Variants in KLK11 observed in about 807,000 individuals in gnomAD.
KLK11 encodes kallikrein related peptidase 11, also known as kallikrein-11.
KLK11 carries 10 observed loss-of-function variants against 23.4 expected under a neutral mutation model. That is an observed-to-expected ratio of 0.43 (90% CI 0.26 to 0.73). The LOEUF (loss-of-function observed/expected upper bound fraction) is 0.73. Ranked by LOEUF, KLK11 falls within the 30% of genes least tolerant of loss-of-function variation. The pLI is 0.22. For synonymous variants in KLK11, 131 were observed against 131.7 expected, an observed-to-expected ratio of 0.99 and a Z score of 0.03; for missense variants, 285 against 327.8, an observed-to-expected ratio of 0.87 and a Z score of 1.01.
At position 51,022,634 on chromosome 19, in the gene KLK11, C is replaced by G. The variant is rs573993006; in HGVS notation, c.664G>C (p.Asp222His). 16 of 1,613,786 alleles carry G rather than the reference C, an allele frequency of 9.9e-6. No homozygotes were observed. In the Admixed American group the frequency reaches 1.5e-4, roughly 15 times the overall value. ...SLQGIISWGQDPCAITRKPGV... is the reference protein window; with the variant it reads ...SLQGIISWGQHPCAITRKPGV... ...GGCTTTCGGGTGATCGCACACGGATCCTGGCCCCAGGAGATAATGCCTTGA... is the reference window on the plus strand; with the variant it reads ...GGCTTTCGGGTGATCGCACACGGATGCTGGCCCCAGGAGATAATGCCTTGA... Residue 222 changes from aspartate to histidine, a missense_variant, in exon 6 of 6, where the codon GAT becomes CAT. Transcript: ENST00000453757.
In KLK11 at chr19:51,024,536, A is replaced by G; in HGVS notation, c.197+102T>C. 1.6e-6 allele frequency: 2 copies of G among 1,256,302 alleles called. No individual in the cohort carries two copies. The highest frequency in any genetic ancestry group is 1.6e-5 in the South Asian group (1 of 63,428). 77.8% of individuals were successfully genotyped at this position (1,256,302 alleles called of 1,614,324 possible). Reference sequence around the variant, plus strand: ...AACCTTGCTGACACTACCCATCCCCATCTCTAATCCCCTTACCAGCACCCC... The same window carrying G: ...AACCTTGCTGACACTACCCATCCCCGTCTCTAATCCCCTTACCAGCACCCC... On this transcript the variant is annotated intron_variant, in intron 3 of 5. Coordinates refer to ENST00000453757, the MANE Select transcript of KLK11 (RefSeq NM_001136032.3). The surrounding 1 kb of genome is among the most constrained non-coding windows in gnomAD (Gnocchi z 6.2).
intron 1 of KLK11, among the ~76,000 whole-genome samples, chr19:51,026,197 G>A (rs1170668354): frequency 3.3e-5 from 5 of 151,972 alleles, no homozygotes; most frequent in Non-Finnish European, 4.4e-5. Flanking sequence ...CCCATCACCC[G>A]GCTTGCTGAA....
Position 51,024,772 on chromosome 19 carries a change from C to T in KLK11, c.63G>A (p.Arg21=), listed in dbSNP as rs760718688. ...LATGLVGGET[R]IIKGFECKPH... ...GCTTGCACTCGAACCCCTTGATGAT[C>T]CTGGTCTCTCCCCCTACAAGCCCTG... Residue 21 remains arginine, a synonymous_variant, in exon 3 of 6, where the codon AGG becomes AGA. Coordinates refer to ENST00000453757, the MANE Select transcript of KLK11 (RefSeq NM_001136032.3). This position sits in a 1 kb window ranked among gnomAD's most constrained non-coding sequence, Gnocchi z 6.2. 1 of 1,595,418 alleles carries T rather than the reference C, an allele frequency of 6.3e-7. No homozygotes were observed. Among genetic ancestry groups the T allele is most frequent in the South Asian group, 1.1e-5 (1 of 88,050 alleles).
chr19:51,024,501 C>T lies in KLK11; in HGVS notation c.197+137G>A, dbSNP rs975576181. ...CATCCCCCCACCTTCAATACCAACT[C>T]GAGCCCATCAACCTTGCTGACACTA... On this transcript the variant is annotated intron_variant, in intron 3 of 5. Coordinates refer to ENST00000453757, the MANE Select transcript of KLK11 (RefSeq NM_001136032.3). This position sits in a 1 kb window ranked among gnomAD's most constrained non-coding sequence, Gnocchi z 6.2. 6.2e-5 allele frequency: 76 copies of T among 1,229,154 alleles called. No individual in the cohort carries two copies. Among genetic ancestry groups the T allele is most frequent in the East Asian group, 3.4e-4 (13 of 38,720 alleles). The allele number at this position is 1,229,154 out of a possible 1,614,324, so 76.1% of individuals were successfully genotyped here.
In KLK11 at chr19:51,025,989, C is replaced by A. The variant is rs74882927; in HGVS notation, c.-35-323G>T. Among the ~76,000 whole-genome samples the A allele has an allele frequency of 1.4e-4, 21 of 152,252 alleles. No homozygotes were observed. In the South Asian group the frequency reaches 3.1e-3, roughly 23 times the overall value. Reference sequence around the variant, plus strand: ...GTTCAAGTCAGCCATGGGACCTCCCCGGCACATGTCAGAGGATGTTTTCCT... The same window carrying A: ...GTTCAAGTCAGCCATGGGACCTCCCAGGCACATGTCAGAGGATGTTTTCCT... On this transcript the variant is annotated intron_variant, in intron 1 of 5. Coordinates refer to ENST00000453757, the MANE Select transcript of KLK11 (RefSeq NM_001136032.3). This position sits in a 1 kb window ranked among gnomAD's most constrained non-coding sequence, Gnocchi z 6.2.
upstream of KLK11, chr19:51,027,689 CCTA>C: frequency 1.6e-6 from 1 of 642,924 alleles, no homozygotes; most frequent in Non-Finnish European, 2.7e-6. Context: ...GCTTCCTCTT[CCTA>C]CTACTATGAC....
rs1005794730 is a variant in KLK11 at position 51,026,581 on chromosome 19, C to A, written c.-79G>T. On this transcript the variant is annotated 5_prime_UTR_variant, in exon 1 of 6. Coordinates refer to ENST00000453757, the MANE Select transcript of KLK11 (RefSeq NM_001136032.3). ...TCTGGGGGCCCAGTGGCGGCGGAGA[C>A]GGCAGTGGCGGCAGCTACAGCAGGT... 9.1e-6 allele frequency: 9 copies of A among 986,466 alleles called. No individual in the cohort carries two copies. The highest frequency in any genetic ancestry group is 1.7e-5 in the African/African-American group (1 of 57,334). 61.1% of individuals were successfully genotyped at this position (986,466 alleles called of 1,614,324 possible).
chr19:51,027,581 C>A, upstream of KLK11: 13 of 1,593,222 alleles, frequency 8.2e-6, no homozygotes, highest in Non-Finnish European at 1.0e-5. Flanking sequence ...AGGTCCCTTC[C>A]CTTGGCTTTC....
At position 51,022,725 on chromosome 19, in the gene KLK11, C is replaced by T. The variant is rs764602155; in HGVS notation, c.601-28G>A. On this transcript the variant is annotated intron_variant, in intron 5 of 5. Transcript: ENST00000453757. ...GGGCACGGGGAGAGAGAATGTCGGT[C>T]AGAGAAAGCGTTGAGCATGGTGTTA... 3.7e-6 allele frequency: 6 copies of T among 1,611,968 alleles called. No individual in the cohort carries two copies. The South Asian group carries it at 6.6e-5, about 18-fold the overall frequency.
At chr19:51,026,269 T>C (rs528174602) in intron 1 of KLK11, among the ~76,000 whole-genome samples, 3 of 151,736 alleles carry the variant, frequency 2.0e-5, no homozygotes, top group South Asian at 4.2e-4. Context: ...GCGGGGCTGG[T>C]CGAGGGGAGG....
chr19:51,023,482 T>G (rs1249946068), intron 4 of KLK11: 2 of 379,976 alleles, frequency 5.3e-6, no homozygotes, highest in Admixed American at 4.2e-5. Flanking sequence ...TCTCCCAAGT[T>G]TAAGCGATTC....
In KLK11 at chr19:51,026,531, G is replaced by T; in HGVS notation, c.-36+7C>A. ...GAGGGGCAGCTTCCCTTTCCTCCTG[G>T]ACTCACAGGCTCTGGGGCTGGGGCT... is the stretch of plus-strand genomic sequence containing the variant. On this transcript the variant is annotated splice_region_variant and intron_variant, in intron 1 of 5. Transcript: ENST00000453757. The T allele has an allele frequency of 5.1e-6, 5 of 984,878 alleles. No individual in the cohort carries two copies. The highest frequency in any genetic ancestry group is 6.0e-6 in the Non-Finnish European group (5 of 828,946). 61.0% of individuals were successfully genotyped at this position (984,878 alleles called of 1,614,324 possible). A position where few individuals can be genotyped will look rare whatever the true frequency, so the allele number is the denominator to read the frequency against.
At chr19:51,026,654 CAGG>C (rs1349467596), upstream of KLK11, 36 of 967,210 alleles carry the variant, frequency 3.7e-5, no homozygotes, top group Non-Finnish European at 4.1e-5. Context: ...GGCGGGCTGG[CAGG>C]GGGGCGGCCC....
chr19:51,024,348 C>T lies in KLK11; in HGVS notation c.198-38G>A, dbSNP rs199568439. On this transcript the variant is annotated intron_variant, in intron 3 of 5. Coordinates refer to ENST00000453757, the MANE Select transcript of KLK11 (RefSeq NM_001136032.3). This position sits in a 1 kb window ranked among gnomAD's most constrained non-coding sequence, Gnocchi z 6.2. ...AGACAGTAGTTGGAGGAGGAAAGGTCGGGGGAGACATGGGTGGGAGAGGTG... is the reference window on the plus strand; with the variant it reads ...AGACAGTAGTTGGAGGAGGAAAGGTTGGGGGAGACATGGGTGGGAGAGGTG... 60 of 1,600,962 alleles carry T rather than the reference C, an allele frequency of 3.7e-5. No individual in the cohort carries two copies. Among genetic ancestry groups the T allele is most frequent in the East Asian group, 3.6e-4 (16 of 44,612 alleles).
In KLK11 at chr19:51,024,422, C is replaced by A; in HGVS notation, c.198-112G>T. ...AACATCGCTCTGCTTCCAACCTCTTCCACGTCTCCCACCGAAGCCCCCTTC... is the reference window on the plus strand; with the variant it reads ...AACATCGCTCTGCTTCCAACCTCTTACACGTCTCCCACCGAAGCCCCCTTC... On this transcript the variant is annotated intron_variant, in intron 3 of 5. Coordinates refer to ENST00000453757, the MANE Select transcript of KLK11 (RefSeq NM_001136032.3). This position sits in a 1 kb window ranked among gnomAD's most constrained non-coding sequence, Gnocchi z 6.2. 1.3e-6 allele frequency: 2 copies of A among 1,487,582 alleles called. No homozygotes were observed. Among genetic ancestry groups the A allele is most frequent in the Non-Finnish European group, 1.8e-6 (2 of 1,107,868 alleles). 92.1% of individuals were successfully genotyped at this position (1,487,582 alleles called of 1,614,324 possible).
chr19:51,027,603 C>T, upstream of KLK11: 1 of 1,538,300 alleles, frequency 6.5e-7, no homozygotes, highest in Non-Finnish European at 8.9e-7. Context: ...TCCCCTCTCT[C>T]CCCTGACCAG....
chr19:51,025,464 C>T lies in KLK11; in HGVS notation c.40+128G>A, dbSNP rs1311216247. 1.8e-6 allele frequency: 1 copy of T among 548,174 alleles called. No homozygotes were observed. The highest frequency in any genetic ancestry group is 3.2e-6 in the Non-Finnish European group (1 of 317,234). 34.0% of individuals were successfully genotyped at this position (548,174 alleles called of 1,614,324 possible). ...CATCCAGGCCCTCATGACCACTGCT[C>T]CAGTTCAGGTGCCTTATGGGTTGTT... On this transcript the variant is annotated intron_variant, in intron 2 of 5. Coordinates refer to ENST00000453757, the MANE Select transcript of KLK11 (RefSeq NM_001136032.3). This position sits in a 1 kb window ranked among gnomAD's most constrained non-coding sequence, Gnocchi z 6.2.
At chr19:51,027,330 G>T, upstream of KLK11, 1 of 969,332 alleles carries the variant, frequency 1.0e-6, no homozygotes, top group Non-Finnish European at 1.6e-6. Context: ...CCGAGTCCAG[G>T]AAAGGGAACA....
Position 51,024,816 on chromosome 19 carries a change from G to T in KLK11, c.41-22C>A, listed in dbSNP as rs747600055. ...AGCCCTGGAGGGGGTGAGAGCAAAA[G>T]AAGGGGCTCAGGAAGGAGAGGTGGT... On this transcript the variant is annotated intron_variant, in intron 2 of 5. Transcript: ENST00000453757. This position sits in a 1 kb window ranked among gnomAD's most constrained non-coding sequence, Gnocchi z 6.2. The T allele has an allele frequency of 1.2e-5, 18 of 1,540,776 alleles. No individual in the cohort carries two copies. The highest frequency in any genetic ancestry group is 1.6e-5 in the Non-Finnish European group (18 of 1,151,742).
Sources: allele counts gnomAD v4.1 joint callset (sites outside exome capture counted in the v4.1 genomes callset), GRCh38; gene constraint gnomAD v4.1.1; non-coding constraint Gnocchi (gnomAD v3.1); transcripts MANE v1.5; gene names NCBI Gene and HGNC (gene_info 2026-07-23, HGNC 2026-07-21).